CCNP: variants seen among roughly 807,000 people sequenced by gnomAD.
The protein encoded by CCNP is cyclin-P.
In CCNP, 18 loss-of-function variants were observed where a neutral mutation model predicts 19.6. The observed-to-expected ratio is 0.92, with a 90% confidence interval of 0.64 to 1.36. CCNP has a LOEUF of 1.36. Among genes scored for constraint, CCNP ranks in the 40% most tolerant of loss-of-function variants. CCNP has a pLI of 0.00. For synonymous variants in CCNP, 228 were observed against 194.9 expected, an observed-to-expected ratio of 1.17 and a Z score of -1.41; for missense variants, 440 against 424.4, an observed-to-expected ratio of 1.04 and a Z score of -0.32.
intron 1 of CCNP, among the ~76,000 whole-genome samples, 159 bp downstream of exon 1, chr19:40,226,216 T>C (rs573004593): frequency 1.3e-4 from 20 of 152,220 alleles, no homozygotes; most frequent in African/African-American, 4.8e-4. Flanking sequence ...CGGCGCTGTG[T>C]GAAAACAAAA....
At chr19:40,223,634 C>T (rs758612858) in intron 3 of CCNP, 88 bp from the exon 4 acceptor site, 46 of 1,576,158 alleles carry the variant, frequency 2.9e-5, no homozygotes, top group Non-Finnish European at 3.7e-5. Flanking sequence ...AGTTCCGGAC[C>T]TCAGTTTCCT....
intron 3 of CCNP, 34 bp downstream of exon 3, chr19:40,224,454 C>T: frequency 6.2e-7 from 1 of 1,608,712 alleles, no homozygotes; most frequent in East Asian, 2.2e-5. Context: ...CCAAAGGACT[C>T]CATCCACCCT....
At chr19:40,225,101 C>G (rs951534165) in intron 1 of CCNP, among the ~76,000 whole-genome samples, 1 of 151,624 alleles carries the variant, frequency 6.6e-6, no homozygotes, top group Non-Finnish European at 1.5e-5. Flanking sequence ...ACTCTGTTGC[C>G]CAGGCTGGAG....
chr19:40,223,797 C>T lies in CCNP; in HGVS notation c.514-251G>A, dbSNP rs866931471. On this transcript the variant is annotated intron_variant, in intron 3 of 4. Transcript: ENST00000430325. ...TCACTTAAGCTCTCTGCCTCAGCTA[C>T]CCCCCGCCCCCCGTAAAACAGATAC... is the stretch of plus-strand genomic sequence containing the variant. Among the ~76,000 whole-genome samples, 4 of 151,794 alleles carry T rather than the reference C, an allele frequency of 2.6e-5. No individual in the cohort carries two copies. The South Asian group carries it at 8.3e-4, about 32-fold the overall frequency.
chr19:40,225,036 G>A (rs964259360), intron 1 of CCNP: 1 of 535,684 alleles, frequency 1.9e-6, no homozygotes, highest in Non-Finnish European at 3.2e-6. Context: ...ACTCCTGGGC[G>A]TCTCCCTCTA....
chr19:40,223,363 A>C, intron 4 of CCNP, 25 bp downstream of exon 4: 1 of 1,492,248 alleles, frequency 6.7e-7, no homozygotes, highest in East Asian at 2.5e-5. Flanking sequence ...CCACGCCCCC[A>C]CCCCGCGTAT....
Position 40,222,932 on chromosome 19 carries a change from C to G in CCNP, c.*120G>C. The G allele has an allele frequency of 4.8e-6, 3 of 624,718 alleles. No individual in the cohort carries two copies. Among genetic ancestry groups the G allele is most frequent in the Non-Finnish European group, 8.4e-6 (3 of 357,452 alleles). The allele number at this position is 624,718 out of a possible 1,614,324, so 38.7% of individuals were successfully genotyped here. A position where few individuals can be genotyped will look rare whatever the true frequency, so the allele number is the denominator to read the frequency against. On this transcript the variant is annotated 3_prime_UTR_variant, in exon 5 of 5. Coordinates refer to ENST00000430325, the MANE Select transcript of CCNP (RefSeq NM_024877.4). Reference sequence around the variant, plus strand: ...AAGGCAATAGGAGCATCTTCTGGGCCTGGGAGACTATCTTCCACTCTGGGG... The same window carrying G: ...AAGGCAATAGGAGCATCTTCTGGGCGTGGGAGACTATCTTCCACTCTGGGG...
chr19:40,226,644 T>G lies in CCNP; in HGVS notation c.-3A>C, dbSNP rs746259834. 10 of 1,566,260 alleles carry G rather than the reference T, an allele frequency of 6.4e-6. No homozygotes were observed. The East Asian group carries it at 2.3e-4, about 36-fold the overall frequency. ...TGGTCCCTGCCTCTCACCAGCATCC[T>G]CCAGGAGGGTGTTGCGGGCGAGGCC... On this transcript the variant is annotated 5_prime_UTR_variant, in exon 1 of 5. Transcript: ENST00000430325.
intron 1 of CCNP, among the ~76,000 whole-genome samples, chr19:40,225,438 G>A (rs1298359052): frequency 6.6e-6 from 1 of 152,106 alleles, no homozygotes; most frequent in Non-Finnish European, 1.5e-5. Context: ...AGAAAGATCT[G>A]ACCAAGGAAC....
At position 40,222,700 on chromosome 19, in the gene CCNP, T is replaced by G. The variant is rs1599926090; in HGVS notation, c.*352A>C. 1 of 403,250 alleles carries G rather than the reference T, an allele frequency of 2.5e-6. No homozygotes were observed. Among genetic ancestry groups the G allele is most frequent in the Non-Finnish European group, 4.3e-6 (1 of 229,896 alleles). 25.0% of individuals were successfully genotyped at this position (403,250 alleles called of 1,614,324 possible). ...CCTACAGGGCGCGGCTAGTGCGGAGTCAGAACACTCGAGGAAGCAAGGAGG... is the reference window on the plus strand; with the variant it reads ...CCTACAGGGCGCGGCTAGTGCGGAGGCAGAACACTCGAGGAAGCAAGGAGG... On this transcript the variant is annotated 3_prime_UTR_variant, in exon 5 of 5. Coordinates refer to ENST00000430325, the MANE Select transcript of CCNP (RefSeq NM_024877.4).
intron 3 of CCNP, 136 bp from the exon 4 acceptor site, chr19:40,223,682 T>C (rs768859595): frequency 1.6e-6 from 2 of 1,273,316 alleles, no homozygotes; most frequent in East Asian, 4.7e-5. Flanking sequence ...TGTCTGGAAG[T>C]CGTAGAGAGC....
At chr19:40,224,338 C>T (rs1599927686) in intron 3 of CCNP, 150 bp downstream of exon 3, 1 of 878,262 alleles carries the variant, frequency 1.1e-6, no homozygotes, top group Non-Finnish European at 1.8e-6. Flanking sequence ...GCCTCGGTCT[C>T]CTCTTCTGTT....
rs774010708 is a variant in CCNP at position 40,223,593 on chromosome 19, G to A, written c.514-47C>T. 2.5e-6 allele frequency: 4 copies of A among 1,601,692 alleles called. No homozygotes were observed. The African/African-American group carries it at 5.4e-5, about 22-fold the overall frequency. On this transcript the variant is annotated intron_variant, in intron 3 of 4. Transcript: ENST00000430325. ...GGAGGTGAAGGAGTCTTGGATCCGGGCTCTTTACTCCCTGCCCTGGAAAGG... is the reference window on the plus strand; with the variant it reads ...GGAGGTGAAGGAGTCTTGGATCCGGACTCTTTACTCCCTGCCCTGGAAAGG...
intron 3 of CCNP, 67 bp from the exon 4 acceptor site, chr19:40,223,613 G>T (rs1329293108): frequency 1.6e-5 from 26 of 1,600,740 alleles, no homozygotes; most frequent in Non-Finnish European, 2.2e-5. Flanking sequence ...CCCTGCCCTG[G>T]AAAGGCCCCA....
chr19:40,222,642 C>G lies in CCNP; in HGVS notation c.*410G>C. 1 of 398,282 alleles carries G rather than the reference C, an allele frequency of 2.5e-6. No individual in the cohort carries two copies. Among genetic ancestry groups the G allele is most frequent in the Non-Finnish European group, 4.4e-6 (1 of 226,392 alleles). 24.7% of individuals were successfully genotyped at this position (398,282 alleles called of 1,614,324 possible). A position where few individuals can be genotyped will look rare whatever the true frequency, so the allele number is the denominator to read the frequency against. On this transcript the variant is annotated 3_prime_UTR_variant, in exon 5 of 5. Transcript: ENST00000430325. ...CCCGTCTTCAACTGGAGTGACTAGG[C>G]GAGCACCGGGGAGAGGTGGACACCC...
rs1195424186 is a variant in CCNP, at chr19:40,222,482, G to A, written c.*570C>T. ...GCCCAGTTCCTCGGGGCTGCAGCAG[G>A]GAGATGGAGAAACTGAGGCAGGGCA... On this transcript the variant is annotated 3_prime_UTR_variant, in exon 5 of 5. Transcript: ENST00000430325. The A allele has an allele frequency of 5.0e-6, 2 of 398,632 alleles. No homozygotes were observed. Among genetic ancestry groups the A allele is most frequent in the Admixed American group, 4.4e-5 (1 of 22,708 alleles). The allele number at this position is 398,632 out of a possible 1,614,324, so 24.7% of individuals were successfully genotyped here.
rs575947922 is a variant in CCNP at position 40,222,399 on chromosome 19, C to T, written c.*653G>A. 4 of 398,494 alleles carry T rather than the reference C, an allele frequency of 1.0e-5. No individual in the cohort carries two copies. Among genetic ancestry groups the T allele is most frequent in the East Asian group, 3.6e-5 (1 of 28,068 alleles). 24.7% of individuals were successfully genotyped at this position (398,494 alleles called of 1,614,324 possible). On this transcript the variant is annotated 3_prime_UTR_variant, in exon 5 of 5. Transcript: ENST00000430325. ...GGCCGCGCATACTTGAGGAAGACTG[C>T]GGCGCGACCCGGCGCGGGACCTCGG...
At position 40,222,839 on chromosome 19, in the gene CCNP, C is replaced by A; in HGVS notation, c.*213G>T. 1 of 487,982 alleles carries A rather than the reference C, an allele frequency of 2.0e-6. No homozygotes were observed. The highest frequency in any genetic ancestry group is 3.7e-5 in the South Asian group (1 of 26,914). The allele number at this position is 487,982 out of a possible 1,614,324, so 30.2% of individuals were successfully genotyped here. A position where few individuals can be genotyped will look rare whatever the true frequency, so the allele number is the denominator to read the frequency against. ...AGCGGCCCTAGCAGCTAAAGGAACA[C>A]CCCATCCACCACCAGATACAGAGAT... On this transcript the variant is annotated 3_prime_UTR_variant, in exon 5 of 5. Transcript: ENST00000430325.
intron 2 of CCNP, 21 bp downstream of exon 2, chr19:40,224,701 C>CCA: frequency 6.2e-7 from 1 of 1,602,800 alleles, no homozygotes; most frequent in Non-Finnish European, 8.5e-7. Flanking sequence ...CTCAGCCCCC[C>CCA]ACACCCTTCC....
Sources: allele counts gnomAD v4.1 joint callset (sites outside exome capture counted in the v4.1 genomes callset), GRCh38; gene constraint gnomAD v4.1.1; transcripts MANE v1.5; gene names NCBI Gene and HGNC (gene_info 2026-07-23, HGNC 2026-07-21).